TMEM271: variants seen among roughly 807,000 people sequenced by gnomAD.
The protein encoded by TMEM271 is transmembrane protein 271.
rs1022156095 is a variant in TMEM271, at chr4:574,306, T to A, written c.*599A>T. Reference sequence around the variant, plus strand: ...GAATATTCTCCAATAACATAGCAATTAATTTAATAAAGGAACTCACCAATT... The same window carrying A: ...GAATATTCTCCAATAACATAGCAATAAATTTAATAAAGGAACTCACCAATT... On this transcript the variant is annotated 3_prime_UTR_variant, in exon 1 of 1. Coordinates refer to ENST00000610212, the MANE Select transcript of TMEM271 (RefSeq NM_001362796.2). 3.9e-5 allele frequency: 6 copies of A among 152,260 alleles called. No individual in the cohort carries two copies. Among genetic ancestry groups the A allele is most frequent in the African/African-American group, 1.4e-4 (6 of 41,462 alleles). 9.4% of individuals were successfully genotyped at this position (152,260 alleles called of 1,614,324 possible). A position where few individuals can be genotyped will look rare whatever the true frequency, so the allele number is the denominator to read the frequency against.
chr4:574,856 T>C lies in TMEM271; in HGVS notation c.*49A>G, dbSNP rs1373022753. The C allele has an allele frequency of 2.5e-6, 1 of 394,060 alleles. No individual in the cohort carries two copies. Among genetic ancestry groups the C allele is most frequent in the Non-Finnish European group, 4.5e-6 (1 of 223,396 alleles). 24.4% of individuals were successfully genotyped at this position (394,060 alleles called of 1,614,324 possible). A position where few individuals can be genotyped will look rare whatever the true frequency, so the allele number is the denominator to read the frequency against. On this transcript the variant is annotated 3_prime_UTR_variant, in exon 1 of 1. Transcript: ENST00000610212. The stretch of plus-strand genomic sequence containing the variant: ...CGCGGGGGTCCTGAGCGGGGCGGGG[T>C]GGGTGGAACGCAAGCGCGGTCCGCG...
At position 574,634 on chromosome 4, in the gene TMEM271, G is replaced by T; in HGVS notation, c.*271C>A. 2.9e-6 allele frequency: 1 copy of T among 350,642 alleles called. No homozygotes were observed. Among genetic ancestry groups the T allele is most frequent in the Non-Finnish European group, 5.1e-6 (1 of 195,664 alleles). The allele number at this position is 350,642 out of a possible 1,614,324, so 21.7% of individuals were successfully genotyped here. On this transcript the variant is annotated 3_prime_UTR_variant, in exon 1 of 1. Transcript: ENST00000610212. ...AAGCCCAAACATTTATTGTAAACTT[G>T]AAAATGGAATCCAGATATGAACGAC...
chr4:574,502 G>C lies in TMEM271; in HGVS notation c.*403C>G, dbSNP rs1474898672. On this transcript the variant is annotated 3_prime_UTR_variant, in exon 1 of 1. Transcript: ENST00000610212. The stretch of plus-strand genomic sequence containing the variant: ...GCGTCTCTGTCTGCTCTTCCTCCGT[G>C]GGAAGTCGCCGTCCTGGGGCGCTCG... The C allele has an allele frequency of 1.8e-5, 3 of 170,718 alleles. No individual in the cohort carries two copies. The highest frequency in any genetic ancestry group is 4.7e-5 in the African/African-American group (2 of 42,258). The allele number at this position is 170,718 out of a possible 1,614,324, so 10.6% of individuals were successfully genotyped here.
rs1732408713 is a variant in TMEM271, at chr4:575,192, GCCGCCGCCC to G, written c.862_870del (p.Gly288_Arg290del). 2 of 381,102 alleles carry G rather than the reference GCCGCCGCCC, an allele frequency of 5.2e-6. No individual in the cohort carries two copies. Among genetic ancestry groups the G allele is most frequent in the Non-Finnish European group, 9.3e-6 (2 of 215,734 alleles). The allele number at this position is 381,102 out of a possible 1,614,324, so 23.6% of individuals were successfully genotyped here. A position where few individuals can be genotyped will look rare whatever the true frequency, so the allele number is the denominator to read the frequency against. ...GAGGCCTCGCTCGGCCGCTGCTGCA[GCCGCCGCCC>G]CCGCCGGCCCCGCCGGCCCCGGCGC... is the stretch of plus-strand genomic sequence containing the variant. On this transcript the variant is annotated inframe_deletion, in exon 1 of 1. Transcript: ENST00000610212.
chr4:574,781 G>A lies in TMEM271; in HGVS notation c.*124C>T, dbSNP rs1732400553. 3 of 392,154 alleles carry A rather than the reference G, an allele frequency of 7.7e-6. No homozygotes were observed. Among genetic ancestry groups the A allele is most frequent in the South Asian group, 1.4e-4 (1 of 7,014 alleles). The allele number at this position is 392,154 out of a possible 1,614,324, so 24.3% of individuals were successfully genotyped here. A position where few individuals can be genotyped will look rare whatever the true frequency, so the allele number is the denominator to read the frequency against. On this transcript the variant is annotated 3_prime_UTR_variant, in exon 1 of 1. Coordinates refer to ENST00000610212, the MANE Select transcript of TMEM271 (RefSeq NM_001362796.2). ...TGCAAAGCCACGTGGAAGAGGCGGC[G>A]CCCCTGAGGCCTGGCCCTGGACCCC... is the stretch of plus-strand genomic sequence containing the variant.
At position 574,451 on chromosome 4, in the gene TMEM271, C is replaced by A. The variant is rs1383772093; in HGVS notation, c.*454G>T. 1 of 156,804 alleles carries A rather than the reference C, an allele frequency of 6.4e-6. No homozygotes were observed. Among genetic ancestry groups the A allele is most frequent in the African/African-American group, 2.4e-5 (1 of 41,648 alleles). The allele number at this position is 156,804 out of a possible 1,614,324, so 9.7% of individuals were successfully genotyped here. A position where few individuals can be genotyped will look rare whatever the true frequency, so the allele number is the denominator to read the frequency against. ...GTGTTGCTGTTGGGTGTTCTCACTTCTTCTTTCTGAATTACCAGCTGCTCT... is the reference window on the plus strand; with the variant it reads ...GTGTTGCTGTTGGGTGTTCTCACTTATTCTTTCTGAATTACCAGCTGCTCT... On this transcript the variant is annotated 3_prime_UTR_variant, in exon 1 of 1. Coordinates refer to ENST00000610212, the MANE Select transcript of TMEM271 (RefSeq NM_001362796.2).
Position 575,921 on chromosome 4 carries a change from C to G in TMEM271, c.142G>C (p.Ala48Pro). 1 of 373,218 alleles carries G rather than the reference C, an allele frequency of 2.7e-6. No homozygotes were observed. The highest frequency in any genetic ancestry group is 4.8e-6 in the Non-Finnish European group (1 of 209,776). The allele number at this position is 373,218 out of a possible 1,614,324, so 23.1% of individuals were successfully genotyped here. The change falls in exon 1 of 1, where the codon GCC (alanine) becomes CCC (proline). Residue 48 changes from alanine (A) to proline (P), a missense_variant. Physicochemically the swap from Ala to Pro is conservative, Grantham distance 27 (BLOSUM62 -1). Transcript: ENST00000610212. ...AGCCCGGAGTAGAAGGCGCCGGCGG[C>G]GGCCCCCAGGCGGAACGGCTCCCCG... ...LRGEPFRLGAAAGAFYSGLLL... is the reference protein window; with the variant it reads ...LRGEPFRLGAPAGAFYSGLLL...
Position 574,627 on chromosome 4 carries a change from T to C in TMEM271, c.*278A>G. 1 of 335,364 alleles carries C rather than the reference T, an allele frequency of 3.0e-6. No individual in the cohort carries two copies. The highest frequency in any genetic ancestry group is 5.4e-6 in the Non-Finnish European group (1 of 185,922). The allele number at this position is 335,364 out of a possible 1,614,324, so 20.8% of individuals were successfully genotyped here. ...GCTAGCCAAGCCCAAACATTTATTG[T>C]AAACTTGAAAATGGAATCCAGATAT... On this transcript the variant is annotated 3_prime_UTR_variant, in exon 1 of 1. Transcript: ENST00000610212.
At position 574,668 on chromosome 4, in the gene TMEM271, G is replaced by A. The variant is rs557690584; in HGVS notation, c.*237C>T. On this transcript the variant is annotated 3_prime_UTR_variant, in exon 1 of 1. Transcript: ENST00000610212. ...ATCCAGATATGAACGACACAAATAA[G>A]AAGAGAAACCTCCCAGATACAGAAA... is the stretch of plus-strand genomic sequence containing the variant. The A allele has an allele frequency of 2.1e-5, 8 of 383,998 alleles. No individual in the cohort carries two copies. The highest frequency in any genetic ancestry group is 2.9e-4 in the South Asian group (2 of 6,902). 23.8% of individuals were successfully genotyped at this position (383,998 alleles called of 1,614,324 possible). A position where few individuals can be genotyped will look rare whatever the true frequency, so the allele number is the denominator to read the frequency against.
Position 575,436 on chromosome 4 carries a change from G to A in TMEM271, c.627C>T (p.Arg209=), listed in dbSNP as rs1424383104. The A allele has an allele frequency of 2.9e-5, 8 of 275,854 alleles. No individual in the cohort carries two copies. The highest frequency in any genetic ancestry group is 1.5e-4 in the South Asian group (1 of 6,794). 17.1% of individuals were successfully genotyped at this position (275,854 alleles called of 1,614,324 possible). ...GGCCGCGCTGGTAGTCCTTCAGCTG[G>A]CGGCACTTGGCGGACGTGGCGCTGT... ...TLDSATSAKC[R]QLKDYQRGLV... is the part of the protein sequence containing the mutation. The change falls in exon 1 of 1, where the codon CGC becomes CGT. Residue 209 remains arginine, a synonymous_variant. Transcript: ENST00000610212.
rs1450654164 is a variant in TMEM271 at position 575,122 on chromosome 4, C to T, written c.941G>A (p.Cys314Tyr). Residue 314 changes from cysteine (C) to tyrosine (Y), a missense_variant, in exon 1 of 1, where the codon TGC becomes TAC. Coordinates refer to ENST00000610212, the MANE Select transcript of TMEM271 (RefSeq NM_001362796.2). ...EESDLAAPGDCAGFAAHHAVS... is the reference protein window; with the variant it reads ...EESDLAAPGDYAGFAAHHAVS... ...CGCGTGGTGCGCCGCGAAGCCCGCG[C>T]AGTCCCCGGGGGCGGCCAGGTCCGA... The T allele has an allele frequency of 5.1e-6, 2 of 395,320 alleles. No individual in the cohort carries two copies. The highest frequency in any genetic ancestry group is 1.3e-4 in the South Asian group (1 of 7,848). 24.5% of individuals were successfully genotyped at this position (395,320 alleles called of 1,614,324 possible).
At position 575,561 on chromosome 4, in the gene TMEM271, C is replaced by A; in HGVS notation, c.502G>T (p.Gly168Cys). ...LPPRAPGSSP[G>C]SAPGSTPGSA... ...CCGGGGGTTGAGCCCGGGGCCGAGC[C>A]GGGGCTCGAACCTGGCGCCCGCGGG... The change falls in exon 1 of 1, where the codon GGC becomes TGC. Residue 168 changes from glycine to cysteine, a missense_variant. Coordinates refer to ENST00000610212, the MANE Select transcript of TMEM271 (RefSeq NM_001362796.2). The A allele has an allele frequency of 3.0e-6, 1 of 337,010 alleles. No homozygotes were observed. Among genetic ancestry groups the A allele is most frequent in the East Asian group, 4.3e-5 (1 of 23,076 alleles). 20.9% of individuals were successfully genotyped at this position (337,010 alleles called of 1,614,324 possible). A position where few individuals can be genotyped will look rare whatever the true frequency, so the allele number is the denominator to read the frequency against.
rs569745712 is a variant in TMEM271, at chr4:575,682, G to A, written c.381C>T (p.Val127=). The A allele has an allele frequency of 1.9e-5, 7 of 359,172 alleles. No individual in the cohort carries two copies. The South Asian group carries it at 5.3e-4, about 27-fold the overall frequency. 22.2% of individuals were successfully genotyped at this position (359,172 alleles called of 1,614,324 possible). A position where few individuals can be genotyped will look rare whatever the true frequency, so the allele number is the denominator to read the frequency against. ...ATGCGCTGAGGACCCCGAGCATGAA[G>A]ACCAGGACGCCGAGCAGAAGCAGGT... ...SQNLLLLGVL[V]FMLGVLSAFA... is the part of the protein sequence containing the mutation. The change falls in exon 1 of 1, where the codon GTC becomes GTT. Residue 127 remains valine (V), a synonymous_variant. Transcript: ENST00000610212.
rs1163499403 is a variant in TMEM271, at chr4:574,490, C to T, written c.*415G>A. On this transcript the variant is annotated 3_prime_UTR_variant, in exon 1 of 1. Coordinates refer to ENST00000610212, the MANE Select transcript of TMEM271 (RefSeq NM_001362796.2). Reference sequence around the variant, plus strand: ...ACCAGCTGCTCTGCGTCTCTGTCTGCTCTTCCTCCGTGGGAAGTCGCCGTC... The same window carrying T: ...ACCAGCTGCTCTGCGTCTCTGTCTGTTCTTCCTCCGTGGGAAGTCGCCGTC... The T allele has an allele frequency of 6.0e-6, 1 of 166,746 alleles. No homozygotes were observed. Among genetic ancestry groups the T allele is most frequent in the Non-Finnish European group, 1.3e-5 (1 of 78,238 alleles). 10.3% of individuals were successfully genotyped at this position (166,746 alleles called of 1,614,324 possible). A position where few individuals can be genotyped will look rare whatever the true frequency, so the allele number is the denominator to read the frequency against.
Position 575,007 on chromosome 4 carries a change from C to T in TMEM271, c.1056G>A (p.Pro352=), listed in dbSNP as rs1732405152. ...RCGGHPSVEL[P]GYAPSDPDLN... is the part of the protein sequence containing the mutation. ...GGTCGGGGTCCGAGGGCGCGTACCC[C>T]GGCAGCTCCACCGACGGGTGCCCCC... Residue 352 remains proline, a synonymous_variant, in exon 1 of 1, where the codon CCG becomes CCA. Transcript: ENST00000610212. 2.5e-6 allele frequency: 1 copy of T among 397,184 alleles called. No homozygotes were observed. Among genetic ancestry groups the T allele is most frequent in the South Asian group, 1.3e-4 (1 of 7,850 alleles). 24.6% of individuals were successfully genotyped at this position (397,184 alleles called of 1,614,324 possible). A position where few individuals can be genotyped will look rare whatever the true frequency, so the allele number is the denominator to read the frequency against.
In TMEM271 at chr4:575,354, G is replaced by A. The variant is rs529266833; in HGVS notation, c.709C>T (p.Leu237=). 1.3e-4 allele frequency: 33 copies of A among 258,506 alleles called. No homozygotes were observed. The South Asian group carries it at 4.7e-3, about 37-fold the overall frequency. 16.0% of individuals were successfully genotyped at this position (258,506 alleles called of 1,614,324 possible). The change falls in exon 1 of 1, where the codon CTG becomes TTG. Residue 237 remains leucine, a synonymous_variant. Transcript: ENST00000610212. ...GACGACTTGTAGTTCTTGACGAGCAGGAGGCTGAGCAGGCCCAGCAGGCAC... is the reference window on the plus strand; with the variant it reads ...GACGACTTGTAGTTCTTGACGAGCAAGAGGCTGAGCAGGCCCAGCAGGCAC... ...LECLLGLLSL[L]LVKNYKSSQA...
rs1320775319 is a variant in TMEM271, at chr4:575,547, G to A, written c.516C>T (p.Gly172=). ...APGSSPGSAP[G]STPGSAPGSA... ...AGCCCGGGGCCGAGCCGGGGGTTGA[G>A]CCCGGGGCCGAGCCGGGGCTCGAAC... is the stretch of plus-strand genomic sequence containing the variant. The change falls in exon 1 of 1, where the codon GGC becomes GGT. Residue 172 remains glycine (G), a synonymous_variant. Coordinates refer to ENST00000610212, the MANE Select transcript of TMEM271 (RefSeq NM_001362796.2). 9.1e-6 allele frequency: 3 copies of A among 328,790 alleles called. No individual in the cohort carries two copies. Among genetic ancestry groups the A allele is most frequent in the Non-Finnish European group, 1.7e-5 (3 of 181,172 alleles). 20.4% of individuals were successfully genotyped at this position (328,790 alleles called of 1,614,324 possible).
chr4:574,079 AAAAAAAAGAAAAG>A lies in TMEM271; in HGVS notation c.*813_*825del, dbSNP rs1732388226. 1 of 152,114 alleles carries A rather than the reference AAAAAAAAGAAAAG, an allele frequency of 6.6e-6. No homozygotes were observed. Among genetic ancestry groups the A allele is most frequent in the African/African-American group, 2.4e-5 (1 of 41,420 alleles). The allele number at this position is 152,114 out of a possible 1,614,324, so 9.4% of individuals were successfully genotyped here. On this transcript the variant is annotated 3_prime_UTR_variant, in exon 1 of 1. Coordinates refer to ENST00000610212, the MANE Select transcript of TMEM271 (RefSeq NM_001362796.2). ...AAACCACACAACCAGTTTCCAAAAA[AAAAAAAAGAAAAG>A]AAAAAAGAAATGTATGGGATGTGGC...
chr4:575,278 G>A lies in TMEM271; in HGVS notation c.785C>T (p.Ala262Val). The A allele has an allele frequency of 5.6e-6, 1 of 177,978 alleles. No individual in the cohort carries two copies. The highest frequency in any genetic ancestry group is 1.3e-4 in the East Asian group (1 of 7,422). 11.0% of individuals were successfully genotyped at this position (177,978 alleles called of 1,614,324 possible). A position where few individuals can be genotyped will look rare whatever the true frequency, so the allele number is the denominator to read the frequency against. The change falls in exon 1 of 1, where the codon GCG (alanine) becomes GTG (valine). Residue 262 changes from alanine to valine, a missense_variant. By Grantham distance (64) the Ala-to-Val change is moderately conservative. Transcript: ENST00000610212. ...RGRRRGGRALARPRGGSGLRA... is the reference protein window; with the variant it reads ...RGRRRGGRALVRPRGGSGLRA... ...GAGCCCGGAGCCGCCGCGGGGCCGC[G>A]CCAGGGCCCGGCCTCCCCTCCGCCT...
Sources: allele counts gnomAD v4.1 joint callset, GRCh38; gene constraint gnomAD v4.1.1; transcripts MANE v1.5; gene names NCBI Gene and HGNC (gene_info 2026-07-23, HGNC 2026-07-21).